SIPA1L1: variants seen among roughly 807,000 people sequenced by gnomAD.
SIPA1L1 encodes signal-induced proliferation-associated 1-like protein 1.
A neutral mutation model predicts 162.7 loss-of-function variants in SIPA1L1; 26 were observed. That is an observed-to-expected ratio of 0.16 (90% CI 0.12 to 0.22). The LOEUF is 0.22. Ranked by LOEUF, SIPA1L1 falls within the 10% of genes least tolerant of loss-of-function variation. SIPA1L1 has a pLI of 1.00. For synonymous variants in SIPA1L1, 829 were observed against 837.4 expected, an observed-to-expected ratio of 0.99 and a Z score of 0.17; for missense variants, 1,874 against 2,241.0, an observed-to-expected ratio of 0.84 and a Z score of 3.31.
intron 2 of SIPA1L1, among the ~76,000 whole-genome samples, chr14:71,435,130 T>G (rs180987260): frequency 6.6e-6 from 1 of 152,184 alleles, no homozygotes; most frequent in Non-Finnish European, 1.5e-5. Flanking sequence ...GCTTAAACAT[T>G]GTATACATTT....
At chr14:71,500,206 A>T (rs1431787578) in intron 2 of SIPA1L1, among the ~76,000 whole-genome samples, 1 of 152,184 alleles carries the variant, frequency 6.6e-6, no homozygotes, top group Non-Finnish European at 1.5e-5. Flanking sequence ...CAAGTTACAG[A>T]GTGGGAGGAA....
At chr14:71,693,201 C>T (rs1404400121) in intron 13 of SIPA1L1, among the ~76,000 whole-genome samples, 3 of 152,082 alleles carry the variant, frequency 2.0e-5, no homozygotes, top group East Asian at 1.9e-4. Flanking sequence ...GTTATATTGG[C>T]GCTCAAAAAG....
At chr14:71,570,501 GAGATTCAGCCACCTT>G (rs2031768357) in intron 4 of SIPA1L1, among the ~76,000 whole-genome samples, 1 of 152,112 alleles carries the variant, frequency 6.6e-6, no homozygotes, top group Non-Finnish European at 1.5e-5. Flanking sequence ...CTGAGCTCAA[GAGATTCAGCCACCTT>G]GGCCTCTCAA....
intron 2 of SIPA1L1, among the ~76,000 whole-genome samples, chr14:71,437,717 C>A (rs1415779839): frequency 2.6e-5 from 4 of 152,184 alleles, no homozygotes; most frequent in African/African-American, 9.7e-5. Flanking sequence ...CATCATACTA[C>A]CTCTATCACA....
At chr14:71,522,220 G>C (rs1351568520) in intron 3 of SIPA1L1, among the ~76,000 whole-genome samples, 1 of 152,114 alleles carries the variant, frequency 6.6e-6, no homozygotes, top group Admixed American at 6.6e-5. Context: ...GGGGTAATTT[G>C]TAGGTGATTT....
At chr14:71,548,234 T>C (rs893083318) in intron 4 of SIPA1L1, among the ~76,000 whole-genome samples, 18 of 152,204 alleles carry the variant, frequency 1.2e-4, no homozygotes, top group African/African-American at 4.3e-4. Flanking sequence ...ATCCATTAAA[T>C]ATGAGGGCAT....
intron 7 of SIPA1L1, among the ~76,000 whole-genome samples, chr14:71,636,124 A>T (rs1188660126): frequency 1.3e-5 from 2 of 152,248 alleles, no homozygotes; most frequent in Admixed American, 6.5e-5. Flanking sequence ...TGATTTTAAC[A>T]TCTCTCCTTC....
rs560499552 is a variant in SIPA1L1 at position 71,534,062 on chromosome 14, A to AAAAAATAAAAAT, written c.-303+4719_-303+4730dup. The stretch of plus-strand genomic sequence containing the variant: ...CAATATAGTGAGACCCCATCTCTAC[A>AAAAAATAAAAAT]AAAAATAAAAATAAAAATAAAAATA... On this transcript the variant is annotated intron_variant, in intron 4 of 23. Transcript: ENST00000381232. Among the ~76,000 whole-genome samples, 11 of 151,604 alleles carry AAAAAATAAAAAT rather than the reference A, an allele frequency of 7.3e-5. No individual in the cohort carries two copies. The East Asian group carries it at 1.2e-3, about 16-fold the overall frequency.
intron 3 of SIPA1L1, among the ~76,000 whole-genome samples, chr14:71,517,270 T>C (rs1420568200): frequency 6.6e-6 from 1 of 152,180 alleles, no homozygotes; most frequent in African/African-American, 2.4e-5. Flanking sequence ...TATTAAGTGA[T>C]ACTGGCCCAG....
chr14:71,552,414 C>T (rs1333169553), intron 4 of SIPA1L1, among the ~76,000 whole-genome samples: 2 of 147,216 alleles, frequency 1.4e-5, no homozygotes, highest in African/African-American at 2.5e-5. Flanking sequence ...TTTTTTGAGA[C>T]GGAGTCCCGC....
At chr14:71,565,605 G>A (rs1232942394) in intron 4 of SIPA1L1, among the ~76,000 whole-genome samples, 2 of 152,114 alleles carry the variant, frequency 1.3e-5, no homozygotes, top group Admixed American at 6.5e-5. Context: ...TGGATTATAT[G>A]CAATAGTCAT....
At chr14:71,686,042 A>G (rs2046264493) in intron 13 of SIPA1L1, among the ~76,000 whole-genome samples, 1 of 152,220 alleles carries the variant, frequency 6.6e-6, no homozygotes, top group South Asian at 2.1e-4. Flanking sequence ...TGGTTGAATA[A>G]CTATGTTTGT....
chr14:71,537,056 CA>C (rs1351413257), intron 4 of SIPA1L1, among the ~76,000 whole-genome samples: 1 of 152,118 alleles, frequency 6.6e-6, no homozygotes, highest in Admixed American at 6.5e-5. Flanking sequence ...TTTTCTTGCA[CA>C]GCTCTCATTA....
At chr14:71,463,355 G>C (rs543609393) in intron 2 of SIPA1L1, among the ~76,000 whole-genome samples, 1 of 152,100 alleles carries the variant, frequency 6.6e-6, no homozygotes, top group East Asian at 1.9e-4. Context: ...ATGAGTCCGG[G>C]GACCCACTGT....
rs2085642970 is a variant in SIPA1L1, at chr14:71,739,976, A to G, written c.*815A>G. On this transcript the variant is annotated 3_prime_UTR_variant, in exon 24 of 24. Coordinates refer to ENST00000381232, the MANE Select transcript of SIPA1L1 (RefSeq NM_001386936.1). Reference sequence around the variant, plus strand: ...GCTTCCTGGCTCCAAACATTAATTGATTTCAGAATTCCCCCAAACTAAAAC... The same window carrying G: ...GCTTCCTGGCTCCAAACATTAATTGGTTTCAGAATTCCCCCAAACTAAAAC... 1.3e-5 allele frequency: 2 copies of G among 152,334 alleles called. No individual in the cohort carries two copies. Among genetic ancestry groups the G allele is most frequent in the South Asian group, 4.1e-4 (2 of 4,828 alleles). The allele number at this position is 152,334 out of a possible 1,614,324, so 9.4% of individuals were successfully genotyped here.
At chr14:71,430,994 TA>T (rs2043945955) in intron 2 of SIPA1L1, among the ~76,000 whole-genome samples, 1 of 152,150 alleles carries the variant, frequency 6.6e-6, no homozygotes, top group African/African-American at 2.4e-5. Context: ...TATACACTTA[TA>T]TTTTTTGTTA....
chr14:71,500,756 C>T (rs2050142317), intron 2 of SIPA1L1, among the ~76,000 whole-genome samples: 1 of 152,224 alleles, frequency 6.6e-6, no homozygotes, highest in African/African-American at 2.4e-5. Context: ...CCTGTAATCC[C>T]AGCACTTTGG....
chr14:71,350,190 G>A (rs1036046537), intron 2 of SIPA1L1, among the ~76,000 whole-genome samples: 54 of 151,870 alleles, frequency 3.6e-4, no homozygotes, highest in African/African-American at 1.1e-3. Context: ...GTGAGCCACC[G>A]CGCCTGGTTA....
Position 71,730,289 on chromosome 14 carries a change from A to G in SIPA1L1, c.4849A>G (p.Lys1617Glu). Residue 1617 changes from lysine to glutamate, a missense_variant, in exon 20 of 24, where the codon AAA (lysine) becomes GAA (glutamate). Around this residue, in one of 5 missense-constraint regions of SIPA1L1, gnomAD observed 936 missense variants for 1,051.9 expected, o/e 0.89. Transcript: ENST00000381232. Reference sequence around the variant, plus strand: ...GAGGCCTTCTTACACCTTAGGAATGAAATCGCTGCATGGTAAGTGGTCTTT... The same window carrying G: ...GAGGCCTTCTTACACCTTAGGAATGGAATCGCTGCATGGTAAGTGGTCTTT... ...LRRPSYTLGM[K>E]SLHGEFSASD... 6.2e-7 allele frequency: 1 copy of G among 1,614,086 alleles called. No homozygotes were observed. The highest frequency in any genetic ancestry group is 8.5e-7 in the Non-Finnish European group (1 of 1,179,988).
Sources: allele counts gnomAD v4.1 joint callset (sites outside exome capture counted in the v4.1 genomes callset), GRCh38; gene constraint gnomAD v4.1.1; regional missense constraint gnomAD v4.1.1; transcripts MANE v1.5; gene names NCBI Gene and HGNC (gene_info 2026-07-23, HGNC 2026-07-21).